The following CCNY variants were observed in gnomAD, a reference collection of about 807,000 sequenced individuals.
CCNY encodes the protein cyclin-Y.
In CCNY, 19 loss-of-function variants were observed where a neutral mutation model predicts 42.8. That is an observed-to-expected ratio of 0.44 (90% CI 0.31 to 0.65). The LOEUF (loss-of-function observed/expected upper bound fraction) is 0.65. Among genes scored for constraint, CCNY ranks in the 30% least tolerant of loss-of-function variants. CCNY has a pLI of 0.07. For synonymous variants in CCNY, 165 were observed against 162.7 expected (o/e 1.01, Z -0.11); for missense variants, 370 against 437.3 (o/e 0.85, Z 1.37).
rs528425322 is a variant in CCNY, at chr10:35,307,725, CAT to C, written c.-9+57104_-9+57105del. ...ATATATGTATATATATACACACACACATATATGTATATATATACATATTGATG... is the reference window on the plus strand; with the variant it reads ...ATATATGTATATATATACACACACACATATGTATATATATACATATTGATG... On this transcript the variant is annotated intron_variant, in intron 3 of 11. Coordinates refer to the CCNY transcript ENST00000374706. Among the ~76,000 whole-genome samples the C allele has an allele frequency of 1.2e-3, 180 of 147,136 alleles. 2 individuals are homozygous for C. The highest frequency in any genetic ancestry group is 5.9e-4 in the East Asian group (3 of 5,070).
At chr10:35,296,654 C>T (rs1314378861) in intron 3 of CCNY, among the ~76,000 whole-genome samples, 1 of 152,090 alleles carries the variant, frequency 6.6e-6, no homozygotes, top group African/African-American at 2.4e-5. Flanking sequence ...GAAATTACCA[C>T]CATCTGCACA....
intron 4 of CCNY, among the ~76,000 whole-genome samples, chr10:35,519,662 G>A (rs1274470849): frequency 6.6e-6 from 1 of 151,680 alleles, no homozygotes; most frequent in Non-Finnish European, 1.5e-5. Flanking sequence ...AGACTTCAGT[G>A]TAGATTCTGG....
chr10:35,494,234 A>AT (rs1554794873), intron 2 of CCNY, among the ~76,000 whole-genome samples: 1 of 109,788 alleles, frequency 9.1e-6, no homozygotes, highest in Non-Finnish European at 1.8e-5. Context: ...GCATAGTGAG[A>AT]CCCCCCCCCC....
chr10:35,324,671 G>C (rs541095954), intron 3 of CCNY, among the ~76,000 whole-genome samples: 19 of 152,288 alleles, frequency 1.2e-4, no homozygotes, highest in Admixed American at 6.5e-5. Flanking sequence ...GGCCTGATGA[G>C]AAACTCATAC....
At chr10:35,284,050 C>T (rs972098773) in intron 3 of CCNY, among the ~76,000 whole-genome samples, 11 of 152,056 alleles carry the variant, frequency 7.2e-5, no homozygotes, top group African/African-American at 2.4e-4. Flanking sequence ...GGTCAATGCA[C>T]TCCAGCCTGG....
chr10:35,434,794 C>G (rs1838492580), intron 1 of CCNY, among the ~76,000 whole-genome samples: 1 of 152,178 alleles, frequency 6.6e-6, no homozygotes, highest in Non-Finnish European at 1.5e-5. Flanking sequence ...GCACATTTGC[C>G]CTTCTCAGCT....
intron 1 of CCNY, among the ~76,000 whole-genome samples, chr10:35,354,280 G>A (rs1187229072): frequency 6.6e-6 from 1 of 151,592 alleles, no homozygotes; most frequent in African/African-American, 2.4e-5. Flanking sequence ...CTGTCTCCTG[G>A]GTTCAAGAGA....
intron 3 of CCNY, among the ~76,000 whole-genome samples, chr10:35,312,705 A>G (rs1835702030): frequency 6.6e-6 from 1 of 151,668 alleles, no homozygotes; most frequent in Admixed American, 6.6e-5. Context: ...AGGAAATGGG[A>G]AAATTACCCT....
chr10:35,409,222 G>T (rs1195663345), intron 1 of CCNY, among the ~76,000 whole-genome samples: 2 of 152,168 alleles, frequency 1.3e-5, no homozygotes, highest in South Asian at 2.1e-4. Context: ...TACCAGGCAG[G>T]TCTCGCATCT....
At chr10:35,480,607 C>T (rs1010510803) in intron 1 of CCNY, among the ~76,000 whole-genome samples, 18 of 152,154 alleles carry the variant, frequency 1.2e-4, no homozygotes, top group African/African-American at 4.3e-4. Context: ...GTTGGAGAGG[C>T]AGTCCAGCCA....
intron 1 of CCNY, chr10:35,449,716 G>A (rs983016731): frequency 2.0e-6 from 2 of 983,604 alleles, no homozygotes; most frequent in African/African-American, 3.5e-5. Flanking sequence ...CCACAGGTCA[G>A]AGAGGTGCAG....
intron 1 of CCNY, among the ~76,000 whole-genome samples, chr10:35,466,664 C>T (rs1184176853): frequency 6.6e-6 from 1 of 152,184 alleles, no homozygotes; most frequent in Non-Finnish European, 1.5e-5. Flanking sequence ...TTTTCCTTAC[C>T]TGGCCTCTGG....
intron 1 of CCNY, among the ~76,000 whole-genome samples, chr10:35,342,181 A>G (rs879790488): frequency 5.3e-5 from 8 of 152,190 alleles, no homozygotes; most frequent in Admixed American, 4.6e-4. Context: ...ACACAGGGCA[A>G]TTTGAAATCT....
intron 1 of CCNY, among the ~76,000 whole-genome samples, chr10:35,400,603 G>T (rs1837622019): frequency 6.6e-6 from 1 of 152,304 alleles, no homozygotes; most frequent in African/African-American, 2.4e-5. Flanking sequence ...AGAATTATCA[G>T]TAGCTGTTTC....
chr10:35,367,875 C>T (rs1022295986), intron 1 of CCNY, among the ~76,000 whole-genome samples: 12 of 152,220 alleles, frequency 7.9e-5, no homozygotes, highest in African/African-American at 2.4e-4. Flanking sequence ...TTTGCCTATA[C>T]TCCTAATGAG....
At chr10:35,567,495 T>C (rs938916521) in intron 9 of CCNY, among the ~76,000 whole-genome samples, 3 of 152,166 alleles carry the variant, frequency 2.0e-5, no homozygotes, top group African/African-American at 7.2e-5. Flanking sequence ...CCTGCCTTGG[T>C]CTCATCCCAT....
chr10:35,479,161 C>G (rs1432257146), intron 1 of CCNY, among the ~76,000 whole-genome samples: 9 of 151,408 alleles, frequency 5.9e-5, no homozygotes, highest in African/African-American at 1.5e-4. Flanking sequence ...GTTGGTGGGA[C>G]TGTAAACTAG....
At chr10:35,260,468 C>A (rs995553412) in intron 3 of CCNY, among the ~76,000 whole-genome samples, 1 of 152,170 alleles carries the variant, frequency 6.6e-6, no homozygotes, top group African/African-American at 2.4e-5. Context: ...AATCTGGGAC[C>A]CCGATCAGGG....
intron 1 of CCNY, among the ~76,000 whole-genome samples, chr10:35,406,190 TTTC>T (rs1308683751): frequency 6.8e-6 from 1 of 147,494 alleles, no homozygotes; most frequent in Non-Finnish European, 1.5e-5. Flanking sequence ...TCTTTTTTTT[TTTC>T]TTTTTTATTT....
Sources: gnomAD v4.1 joint callset for allele counts (sites outside exome capture counted in the v4.1 genomes callset) on GRCh38, gnomAD v4.1.1 for gene constraint, MANE v1.5 for transcripts, NCBI Gene and HGNC (gene_info 2026-07-23, HGNC 2026-07-21) for gene names.